TANGO2: variants seen among roughly 807,000 people sequenced by gnomAD.
TANGO2 encodes the protein transport and golgi organization 2 homolog, also known as transport and Golgi organization protein 2 homolog.
TANGO2 carries 26 observed loss-of-function variants against 39.1 expected under a neutral mutation model. That is an observed-to-expected ratio of 0.67 (90% CI 0.49 to 0.92). The LOEUF (loss-of-function observed/expected upper bound fraction) is 0.92. Among genes scored for constraint, TANGO2 ranks in the 40% least tolerant of loss-of-function variants. The probability of loss-of-function intolerance (pLI) is 0.00; values close to 1 mark genes in which losing one functional copy is unlikely to be tolerated. For missense variants in TANGO2, 326 were observed against 360.1 expected (o/e 0.91, Z 0.77); for synonymous variants, 131 against 144.5 (o/e 0.91, Z 0.67).
chr22:20,060,249 T>A (rs1280677541), intron 6 of TANGO2, among the ~76,000 whole-genome samples: 3 of 148,470 alleles, frequency 2.0e-5, no homozygotes, highest in Non-Finnish European at 4.4e-5. Flanking sequence ...CGTGGGAGGC[T>A]GAGACAGGAG....
In TANGO2 at chr22:20,057,592, C is replaced by T. The variant is rs113613852; in HGVS notation, c.451+1579C>T. 8.3e-4 allele frequency among the ~76,000 whole-genome samples: 127 copies of T among 152,202 alleles called. No homozygotes were observed. Among genetic ancestry groups the T allele is most frequent in the Non-Finnish European group, 1.5e-3 (104 of 68,036 alleles). On this transcript the variant is annotated intron_variant, in intron 6 of 8. Coordinates refer to ENST00000327374, the MANE Select transcript of TANGO2 (RefSeq NM_152906.7). This position sits in a 1 kb window ranked among gnomAD's most constrained non-coding sequence, Gnocchi z 4.1. ...GGCAGTGGCACAGACACAGAGACTA[C>T]CAGCGAGGCAGGGATGTGGCCCCAG...
chr22:20,043,898 A>G (rs2044521149), intron 3 of TANGO2, among the ~76,000 whole-genome samples: 1 of 151,922 alleles, frequency 6.6e-6, no homozygotes, highest in Non-Finnish European at 1.5e-5. Context: ...TGAGTTTGGG[A>G]AGCTGGTGGT....
chr22:20,031,518 G>T (rs999292743), intron 1 of TANGO2, among the ~76,000 whole-genome samples: 3 of 152,182 alleles, frequency 2.0e-5, no homozygotes, highest in African/African-American at 7.2e-5. Context: ...GGCTCCTCTC[G>T]ACTGCTGCCC....
intron 1 of TANGO2, 51 bp from the exon 2 acceptor site, chr22:20,036,709 A>T: frequency 2.0e-6 from 3 of 1,522,044 alleles, no homozygotes; most frequent in Non-Finnish European, 1.8e-6. Context: ...TTCGGAGGGC[A>T]GCCCTGAGTG....
At chr22:20,037,053 T>G (rs764794010) in intron 2 of TANGO2, 199 bp downstream of exon 2, 3 of 1,547,982 alleles carry the variant, frequency 1.9e-6, no homozygotes, top group African/African-American at 1.4e-5. Flanking sequence ...CTCCAGTCAA[T>G]GTACAAAGAC....
At chr22:20,033,146 G>C (rs776168758) in intron 1 of TANGO2, 9 of 505,456 alleles carry the variant, frequency 1.8e-5, no homozygotes, top group South Asian at 1.3e-4. Flanking sequence ...AGCAGGGGGC[G>C]AGGGATTGGA....
intron 1 of TANGO2, among the ~76,000 whole-genome samples, chr22:20,031,216 G>A (rs898656630): frequency 4.0e-5 from 6 of 151,386 alleles, no homozygotes; most frequent in East Asian, 1.9e-4. Context: ...AAAATTAGCC[G>A]GGTGTGGTGG....
At chr22:20,039,644 C>G (rs932076194) in intron 2 of TANGO2, among the ~76,000 whole-genome samples, 3 of 151,646 alleles carry the variant, frequency 2.0e-5, no homozygotes, top group Admixed American at 2.0e-4. Flanking sequence ...AAAGAAAAAA[C>G]GAAAAAAAAC....
At chr22:20,054,759 G>A (rs1261321535) in intron 5 of TANGO2, 1 of 152,654 alleles carries the variant, frequency 6.6e-6, no homozygotes, top group African/African-American at 2.4e-5. Flanking sequence ...GTGCAGATGA[G>A]GAAGCCAAGG....
intron 1 of TANGO2, among the ~76,000 whole-genome samples, chr22:20,025,873 G>A (rs967673812): frequency 5.3e-5 from 8 of 152,188 alleles, no homozygotes; most frequent in African/African-American, 1.9e-4. Context: ...TCTGGAGGGT[G>A]CCCTCCAGAC....
At chr22:20,017,609 G>T (rs1945288466), upstream of TANGO2, among the ~76,000 whole-genome samples, 1 of 152,198 alleles carries the variant, frequency 6.6e-6, no homozygotes, top group South Asian at 2.1e-4. Context: ...CTCTGCGTCT[G>T]GGGAGGCAGA....
chr22:20,049,984 C>T (rs115571782), intron 3 of TANGO2, among the ~76,000 whole-genome samples: 8,509 of 152,004 alleles, frequency 0.056, 356 homozygotes, highest in African/African-American at 0.096. Flanking sequence ...CGAGGCGGGC[C>T]GATCATGAGA....
intron 1 of TANGO2, among the ~76,000 whole-genome samples, chr22:20,030,525 T>G (rs2041654112): frequency 1.3e-5 from 2 of 152,194 alleles, no homozygotes; most frequent in African/African-American, 4.8e-5. Context: ...TTTTGTATTT[T>G]TAGTAGAGAC....
At chr22:20,036,191 C>G (rs545987372) in intron 1 of TANGO2, among the ~76,000 whole-genome samples, 1 of 152,258 alleles carries the variant, frequency 6.6e-6, no homozygotes, top group African/African-American at 2.4e-5. Flanking sequence ...AGCCCCTACC[C>G]AACAATTAAT....
Position 20,061,893 on chromosome 22 carries a change from G to A in TANGO2, c.605+210G>A, listed in dbSNP as rs1040199321. On this transcript the variant is annotated intron_variant, in intron 7 of 8. Transcript: ENST00000327374. The stretch of plus-strand genomic sequence containing the variant: ...AGGGACTTTTGATGACAGAAGATGG[G>A]CCCAGGCCCAGGCCCAGGCCCAGGG... The A allele has an allele frequency of 1.1e-5, 6 of 570,510 alleles. No homozygotes were observed. In the African/African-American group the frequency reaches 1.1e-4, roughly 11 times the overall value. 35.3% of individuals were successfully genotyped at this position (570,510 alleles called of 1,614,324 possible). A position where few individuals can be genotyped will look rare whatever the true frequency, so the allele number is the denominator to read the frequency against.
intron 3 of TANGO2, among the ~76,000 whole-genome samples, chr22:20,043,825 G>A (rs979296949): frequency 6.6e-6 from 1 of 152,166 alleles, no homozygotes; most frequent in Non-Finnish European, 1.5e-5. Flanking sequence ...ATGCGTGCGT[G>A]TGTGTGCCTG....
chr22:20,049,704 C>A (rs1203272925), intron 3 of TANGO2, among the ~76,000 whole-genome samples: 3 of 151,464 alleles, frequency 2.0e-5, no homozygotes, highest in Non-Finnish European at 4.4e-5. Context: ...CAATGTGGGT[C>A]TGCCTTCTTT....
intron 3 of TANGO2, among the ~76,000 whole-genome samples, chr22:20,047,535 C>T (rs1188528328): frequency 2.0e-5 from 3 of 152,060 alleles, no homozygotes; most frequent in Admixed American, 6.6e-5. Flanking sequence ...TCACCCAGCC[C>T]GGGGATCAGA....
rs183089783 is a variant in TANGO2, at chr22:20,030,507, C to T, written c.-39-6253C>T. ...GACTACAGGCGCCCGCCACCACGCC[C>T]GGCTAATTTTTGTATTTTTAGTAGA... On this transcript the variant is annotated intron_variant, in intron 1 of 8. Transcript: ENST00000327374. Among the ~76,000 whole-genome samples the T allele has an allele frequency of 4.6e-5, 7 of 152,218 alleles. No individual in the cohort carries two copies. In the South Asian group the frequency reaches 1.0e-3, roughly 23 times the overall value.
Sources: allele counts gnomAD v4.1 joint callset (sites outside exome capture counted in the v4.1 genomes callset), GRCh38; gene constraint gnomAD v4.1.1; non-coding constraint Gnocchi (gnomAD v3.1); transcripts MANE v1.5; gene names NCBI Gene and HGNC (gene_info 2026-07-23, HGNC 2026-07-21).